SERPINB12: variants seen among roughly 807,000 people sequenced by gnomAD.
The protein encoded by SERPINB12 is serpin B12.
A neutral mutation model predicts 41.1 loss-of-function variants in SERPINB12; 57 were observed. That is an observed-to-expected ratio of 1.39 (90% confidence interval 1.12 to 1.73). The LOEUF (loss-of-function observed/expected upper bound fraction) is 1.73, where lower values mean the gene tolerates loss of function less well. Among genes scored for constraint, SERPINB12 ranks in the 40% most tolerant of loss-of-function variants. SERPINB12 has a pLI of 0.00. For missense variants in SERPINB12, 536 were observed against 501.9 expected (o/e 1.07, Z -0.65); for synonymous variants, 180 against 181.3 (o/e 0.99, Z 0.06).
intron 4 of SERPINB12, among the ~76,000 whole-genome samples, chr18:63,560,543 G>A (rs1291855149): frequency 6.6e-6 from 1 of 151,966 alleles, no homozygotes; most frequent in Non-Finnish European, 1.5e-5. Flanking sequence ...AATGGGTTTG[G>A]TATATTACAT....
At chr18:63,536,081 T>C in the SERPINB12 span, among the ~76,000 whole-genome samples, 3 of 151,958 alleles carry the variant, frequency 2.0e-5, no homozygotes, top group Non-Finnish European at 4.4e-5. Context: ...ATGTTAATAA[T>C]TGGTAAATCT....
At chr18:63,559,011 T>TTCC (rs1910784928) in intron 3 of SERPINB12, among the ~76,000 whole-genome samples, 1 of 56,342 alleles carries the variant, frequency 1.8e-5, no homozygotes, top group Non-Finnish European at 4.6e-5. Context: ...TCCTTCTTTC[T>TTCC]TTCTTTCTTT....
chr18:63,561,182 G>A lies in SERPINB12; in HGVS notation c.542G>A (p.Trp181Ter), dbSNP rs1910897104. Residue 181 changes from tryptophan to a stop codon, truncating the protein, a stop_gained, in exon 5 of 8, where the codon TGG (tryptophan) becomes TAG (stop). Coordinates refer to ENST00000382768, the MANE Select transcript of SERPINB12 (RefSeq NM_001307928.2). LOFTEE classifies it high-confidence loss of function. ...AAATCCAGACAAGAGATTAACTTCT[G>A]GGTTGAATGTCAATCCCAAGGTAAG... ...PEKSRQEINFWVECQSQGKIK... is the reference protein window; with the variant it reads ...PEKSRQEINF The A allele has an allele frequency of 1.2e-6, 2 of 1,608,790 alleles. No individual in the cohort carries two copies. Among genetic ancestry groups the A allele is most frequent in the African/African-American group, 1.3e-5 (1 of 74,766 alleles).
the SERPINB12 span, among the ~76,000 whole-genome samples, chr18:63,520,107 C>T: frequency 6.6e-6 from 1 of 152,224 alleles, no homozygotes; most frequent in Non-Finnish European, 1.5e-5. Context: ...GCTCTGTTTT[C>T]AGGTGTGAGG....
At chr18:63,552,374 C>T (rs1377155544) in intron 1 of SERPINB12, among the ~76,000 whole-genome samples, 1 of 152,084 alleles carries the variant, frequency 6.6e-6, no homozygotes, top group Non-Finnish European at 1.5e-5. Context: ...ATTTCTTTCT[C>T]TTTTCTTTTT....
At chr18:63,521,506 G>A in the SERPINB12 span, among the ~76,000 whole-genome samples, 3 of 152,146 alleles carry the variant, frequency 2.0e-5, no homozygotes, top group Non-Finnish European at 4.4e-5. Flanking sequence ...AGTCGACCTG[G>A]AGTCCATTGT....
Position 63,565,494 on chromosome 18 carries a change from T to A in SERPINB12, c.755T>A (p.Ile252Asn). ...KMMTQKGLYR[I>N]GFIEEVKAQI... ...ATGACGCAAAAAGGCCTCTACAGAATTGGCTTCATAGAGGAGGTGAAGGCA... is the reference window on the plus strand; with the variant it reads ...ATGACGCAAAAAGGCCTCTACAGAAATGGCTTCATAGAGGAGGTGAAGGCA... The change falls in exon 7 of 8, where the codon ATT becomes AAT. Residue 252 changes from isoleucine (I) to asparagine (N), a missense_variant. Transcript: ENST00000382768. 1.2e-6 allele frequency: 2 copies of A among 1,613,894 alleles called. No individual in the cohort carries two copies. Among genetic ancestry groups the A allele is most frequent in the Non-Finnish European group, 1.7e-6 (2 of 1,179,906 alleles).
Position 63,558,456 on chromosome 18 carries a change from G to A in SERPINB12, c.273G>A (p.Gln91=), listed in dbSNP as rs774169505. ...KVLADSSLEG[Q]KKTTEPLDQQ... is the part of the protein sequence containing the mutation. ...TGGCTGACAGCTCTCTGGAGGGGCA[G>A]AAAAAAACGACAGAGCCTCTGGATC... is the stretch of plus-strand genomic sequence containing the variant. Residue 91 remains glutamine, a synonymous_variant, in exon 3 of 8, where the codon CAG becomes CAA. Transcript: ENST00000382768. 6.2e-7 allele frequency: 1 copy of A among 1,609,782 alleles called. No individual in the cohort carries two copies. The highest frequency in any genetic ancestry group is 1.1e-5 in the South Asian group (1 of 90,874).
Position 63,566,694 on chromosome 18 carries a change from C to T in SERPINB12, c.961C>T (p.Arg321Trp), listed in dbSNP as rs749477032. Residue 321 changes from arginine to tryptophan, a missense_variant, in exon 8 of 8, where the codon CGG becomes TGG. Arg to Trp is a moderately radical substitution (Grantham distance 101). Coordinates refer to ENST00000382768, the MANE Select transcript of SERPINB12 (RefSeq NM_001307928.2). ...AGAATCGGTGGTCCTGTCCTTCCCC[C>T]GGTTCACCCTGGAAGACAGCTATGA... ...SEESVVLSFP[R>W]FTLEDSYDLN... is the part of the protein sequence containing the mutation. 36 of 1,613,962 alleles carry T rather than the reference C, an allele frequency of 2.2e-5. No homozygotes were observed. The highest frequency in any genetic ancestry group is 1.6e-4 in the Middle Eastern group (1 of 6,084).
chr18:63,540,204 T>A (rs1910245821), upstream of SERPINB12, among the ~76,000 whole-genome samples: 1 of 152,210 alleles, frequency 6.6e-6, no homozygotes, highest in African/African-American at 2.4e-5. Flanking sequence ...GCTGATCTTT[T>A]TCTTTCCTCT....
At chr18:63,553,054 C>T (rs1910574342) in intron 1 of SERPINB12, among the ~76,000 whole-genome samples, 1 of 152,082 alleles carries the variant, frequency 6.6e-6, no homozygotes, top group South Asian at 2.1e-4. Context: ...AAGCTGCACA[C>T]AACTGTAATG....
chr18:63,533,253 G>A, the SERPINB12 span, among the ~76,000 whole-genome samples: 4 of 152,322 alleles, frequency 2.6e-5, no homozygotes, highest in Non-Finnish European at 4.4e-5. Flanking sequence ...TGGGATTACA[G>A]GCATGAGCCA....
chr18:63,520,712 T>G, the SERPINB12 span, among the ~76,000 whole-genome samples: 3 of 152,136 alleles, frequency 2.0e-5, no homozygotes, highest in African/African-American at 7.2e-5. Context: ...AGGTAGAAGC[T>G]AAGCATCTTG....
chr18:63,519,525 C>A, the SERPINB12 span, among the ~76,000 whole-genome samples: 1 of 152,208 alleles, frequency 6.6e-6, no homozygotes. Flanking sequence ...AACTCCGCCC[C>A]TTCTGTCCCT....
At chr18:63,539,694 A>C (rs548146343), upstream of SERPINB12, among the ~76,000 whole-genome samples, 20 of 152,092 alleles carry the variant, frequency 1.3e-4, no homozygotes, top group Non-Finnish European at 2.2e-4. Context: ...GGTTTGTCTA[A>C]AATGAGTTAT....
At chr18:63,556,357 TC>T (rs1274928613) in intron 2 of SERPINB12, 30 bp downstream of exon 2, 26 of 1,588,718 alleles carry the variant, frequency 1.6e-5, no homozygotes, top group Non-Finnish European at 2.1e-5. Context: ...CTACACAGGG[TC>T]CTAAACTCTG....
intron 5 of SERPINB12, among the ~76,000 whole-genome samples, chr18:63,563,388 C>G (rs1910978314): frequency 6.6e-6 from 1 of 152,168 alleles, no homozygotes; most frequent in Non-Finnish European, 1.5e-5. Context: ...TATAAGATGT[C>G]TACTGACAAG....
upstream of SERPINB12, among the ~76,000 whole-genome samples, chr18:63,541,895 A>C (rs368129915): frequency 4.6e-5 from 7 of 152,232 alleles, no homozygotes; most frequent in Non-Finnish European, 8.8e-5. Flanking sequence ...AGTTGCAGTC[A>C]TGATAGAGTA....
chr18:63,569,104 T>C lies in SERPINB12; in HGVS notation c.*2093T>C, dbSNP rs1340574367. 6.6e-6 allele frequency among the ~76,000 whole-genome samples: 1 copy of C among 150,630 alleles called. No individual in the cohort carries two copies. Among genetic ancestry groups the C allele is most frequent in the East Asian group, 2.0e-4 (1 of 5,090 alleles). On this transcript the variant is annotated 3_prime_UTR_variant, in exon 8 of 8. Transcript: ENST00000382768. ...ATATAGGCCTGCACTGCCCGGCATT[T>C]CTTTTGTTCTTATTCTTTTACTTGG...
Sources: gnomAD v4.1 joint callset for allele counts (sites outside exome capture counted in the v4.1 genomes callset) on GRCh38, gnomAD v4.1.1 for gene constraint, MANE v1.5 for transcripts, NCBI Gene and HGNC (gene_info 2026-07-23, HGNC 2026-07-21) for gene names.